The following AFF3 variants were observed in gnomAD, a reference collection of about 807,000 sequenced individuals.
AFF3 encodes the protein ALF transcription elongation factor 3.
AFF3 carries 32 observed loss-of-function variants against 129.7 expected under a neutral mutation model. The observed-to-expected ratio is 0.25, with a 90% CI of 0.19 to 0.33. The LOEUF (loss-of-function observed/expected upper bound fraction) is 0.33, where lower values mean the gene tolerates loss of function less well. AFF3 is among the 10% of genes least tolerant of loss of function. AFF3 has a pLI of 1.00. For synonymous variants in AFF3, 644 were observed against 635.4 expected (o/e 1.01, Z -0.20); for missense variants, 1,373 against 1,592.0 (o/e 0.86, Z 2.34).
At chr2:99,653,137 C>T (rs72817046) in intron 12 of AFF3, among the ~76,000 whole-genome samples, 2 of 152,160 alleles carry the variant, frequency 1.3e-5, no homozygotes, top group East Asian at 1.9e-4. Flanking sequence ...AGATGGCTTT[C>T]GCTTTAGGCC....
intron 13 of AFF3, among the ~76,000 whole-genome samples, chr2:99,643,436 T>C (rs1684402439): frequency 6.6e-6 from 1 of 152,018 alleles, no homozygotes; most frequent in Non-Finnish European, 1.5e-5. Flanking sequence ...AGGGTTGATA[T>C]GCACCTGCCA....
intron 4 of AFF3, among the ~76,000 whole-genome samples, chr2:100,092,168 C>T (rs2576654): frequency 9.9e-5 from 15 of 152,224 alleles, no homozygotes; most frequent in Middle Eastern, 3.4e-3. Context: ...GGCATTTACA[C>T]GCAATACATT....
rs896225057 is a variant in AFF3, at chr2:99,622,284, G to A, written c.1185-20663C>T. Among the ~76,000 whole-genome samples, 5 of 152,140 alleles carry A rather than the reference G, an allele frequency of 3.3e-5. 1 individual carries two copies. In the South Asian group the frequency reaches 6.2e-4, roughly 19 times the overall value. ...GACCCTCAGGGAGGTGGTCCTGATCGAAGATGGCTCCCACGTGCAGACGCT... is the reference window on the plus strand; with the variant it reads ...GACCCTCAGGGAGGTGGTCCTGATCAAAGATGGCTCCCACGTGCAGACGCT... On this transcript the variant is annotated intron_variant, in intron 13 of 24. Transcript: ENST00000672756.
chr2:100,076,540 C>T (rs930967535), intron 4 of AFF3, among the ~76,000 whole-genome samples: 3 of 152,180 alleles, frequency 2.0e-5, no homozygotes, highest in African/African-American at 7.2e-5. Context: ...ACCTATGGCT[C>T]CAGCCCCGGG....
chr2:100,021,987 G>A (rs1683634856), intron 4 of AFF3, among the ~76,000 whole-genome samples: 1 of 152,146 alleles, frequency 6.6e-6, no homozygotes, highest in Admixed American at 6.5e-5. Context: ...CAAGTACTGC[G>A]GAGGACATTT....
intron 8 of AFF3, among the ~76,000 whole-genome samples, chr2:99,812,984 G>A (rs903503743): frequency 6.6e-6 from 1 of 151,386 alleles, no homozygotes; most frequent in Non-Finnish European, 1.5e-5. Flanking sequence ...CCTATTTCTC[G>A]CAGTGCAGGC....
At chr2:99,764,907 C>G (rs1472997539) in intron 8 of AFF3, among the ~76,000 whole-genome samples, 1 of 151,562 alleles carries the variant, frequency 6.6e-6, no homozygotes, top group Non-Finnish European at 1.5e-5. Flanking sequence ...TTTAAAAATG[C>G]TTTTTTTGAC....
intron 8 of AFF3, among the ~76,000 whole-genome samples, chr2:99,808,879 A>G (rs1686564178): frequency 6.6e-6 from 1 of 152,218 alleles, no homozygotes; most frequent in East Asian, 1.9e-4. Context: ...CTGTTAAACA[A>G]TCATGTGTTT....
intron 15 of AFF3, among the ~76,000 whole-genome samples, chr2:99,591,679 C>G (rs969385240): frequency 6.6e-6 from 1 of 152,194 alleles, no homozygotes; most frequent in African/African-American, 2.4e-5. Flanking sequence ...AGCTGTGAAA[C>G]GTATGTGTCC....
intron 8 of AFF3, among the ~76,000 whole-genome samples, chr2:99,780,310 G>A (rs1190462664): frequency 6.6e-6 from 1 of 152,168 alleles, no homozygotes; most frequent in East Asian, 1.9e-4. Flanking sequence ...CTCTGTCTGA[G>A]TAAATAATTC....
In AFF3 at chr2:99,699,185, C is replaced by T. The variant is rs144478420; in HGVS notation, c.1092-26596G>A. On this transcript the variant is annotated intron_variant, in intron 11 of 24. Transcript: ENST00000672756. ...TGAGTGTCTAGCTGAAAAACCACTGCGTTTTCCTATGAATGCAAAGAAACC... is the reference window on the plus strand; with the variant it reads ...TGAGTGTCTAGCTGAAAAACCACTGTGTTTTCCTATGAATGCAAAGAAACC... 4.6e-5 allele frequency among the ~76,000 whole-genome samples: 7 copies of T among 152,288 alleles called. No homozygotes were observed. The East Asian group carries it at 1.3e-3, about 29-fold the overall frequency.
chr2:100,067,180 T>TA (rs35574768), intron 4 of AFF3, among the ~76,000 whole-genome samples: 19,240 of 134,176 alleles, frequency 0.14, 1,551 homozygotes, highest in African/African-American at 0.18. Flanking sequence ...TCCACATAGT[T>TA]AAAAAAAAAA....
intron 2 of AFF3, chr2:100,107,252 T>C (rs1691342803): frequency 2.0e-6 from 2 of 985,290 alleles, no homozygotes; most frequent in Admixed American, 6.1e-5. Context: ...ACAAGTAAAA[T>C]GTAGAACAGT....
At chr2:99,770,120 AG>A (rs1683354022) in intron 8 of AFF3, among the ~76,000 whole-genome samples, 1 of 152,144 alleles carries the variant, frequency 6.6e-6, no homozygotes, top group Admixed American at 6.5e-5. Context: ...TCTAGGAGCC[AG>A]GGACTGAAGA....
chr2:99,594,152 GTCC>G lies in AFF3; in HGVS notation c.1506_1508del (p.Glu502del), dbSNP rs766787529. ...CGGGGACTTTCCCACAGTCCTGGAC[GTCC>G]TCTTTCACCGGGTTGTAGTACTGAT... On this transcript the variant is annotated inframe_deletion, in exon 15 of 25. Transcript: ENST00000672756. The G allele has an allele frequency of 7.4e-6, 12 of 1,614,014 alleles. 1 individual carries two copies. Among genetic ancestry groups the G allele is most frequent in the South Asian group, 4.4e-5 (4 of 91,078 alleles).
chr2:99,588,697 C>A (rs1273015869), intron 15 of AFF3, among the ~76,000 whole-genome samples: 1 of 152,158 alleles, frequency 6.6e-6, no homozygotes, highest in African/African-American at 2.4e-5. Flanking sequence ...GATGCCCACA[C>A]TGTAATAGTA....
chr2:99,935,596 T>A (rs1674453714), intron 7 of AFF3, among the ~76,000 whole-genome samples: 1 of 152,190 alleles, frequency 6.6e-6, no homozygotes, highest in East Asian at 1.9e-4. Context: ...GCCATCCCAA[T>A]GATGGACTGT....
chr2:99,718,907 T>C (rs903801765), intron 11 of AFF3, among the ~76,000 whole-genome samples: 5 of 152,070 alleles, frequency 3.3e-5, no homozygotes, highest in South Asian at 4.2e-4. Context: ...CCCGCCACCA[T>C]GCCCGGCTAA....
chr2:99,831,594 A>G (rs1688521347), intron 8 of AFF3, among the ~76,000 whole-genome samples: 1 of 100,352 alleles, frequency 1.0e-5, no homozygotes, highest in Admixed American at 9.5e-5. Context: ...TACAATTAAA[A>G]AACACTGCAA....
Sources: allele counts gnomAD v4.1 joint callset (sites outside exome capture counted in the v4.1 genomes callset), GRCh38; gene constraint gnomAD v4.1.1; transcripts MANE v1.5; gene names NCBI Gene and HGNC (gene_info 2026-07-23, HGNC 2026-07-21).